The following MRGBP variants were observed in gnomAD, a reference collection of about 807,000 sequenced individuals.
MRGBP encodes the protein MRG domain binding protein.
Under a neutral mutation model 21.5 loss-of-function variants are expected in MRGBP, and 5 were observed. The observed-to-expected ratio is 0.23, with a 90% CI of 0.12 to 0.49. The LOEUF is 0.49. Among genes scored for constraint, MRGBP ranks in the 20% least tolerant of loss-of-function variants. The probability of loss-of-function intolerance (pLI) is 0.98; values close to 1 mark genes in which losing one functional copy is unlikely to be tolerated. For synonymous variants in MRGBP, 118 were observed against 104.4 expected, an observed-to-expected ratio of 1.13 and a Z score of -0.79; for missense variants, 227 against 277.4, an observed-to-expected ratio of 0.82 and a Z score of 1.29.
chr20:62,798,708 G>A (rs1167546236), intron 3 of MRGBP, 40 bp downstream of exon 3: 1 of 1,607,488 alleles, frequency 6.2e-7, no homozygotes, highest in East Asian at 2.2e-5. Flanking sequence ...TTCAGAAAAG[G>A]CCAGACCCTG....
rs1990447439 is a variant in MRGBP, at chr20:62,800,962, A to C, written c.*1319A>C. The C allele has an allele frequency of 6.6e-6, 1 of 152,100 alleles. No homozygotes were observed. The highest frequency in any genetic ancestry group is 6.5e-5 in the Admixed American group (1 of 15,272). The allele number at this position is 152,100 out of a possible 1,614,324, so 9.4% of individuals were successfully genotyped here. A position where few individuals can be genotyped will look rare whatever the true frequency, so the allele number is the denominator to read the frequency against. The stretch of plus-strand genomic sequence containing the variant: ...CTGTCCTGGCCAGCCATCGCACCCC[A>C]ATGTCTTCAGCTTGACGTTGCTTCT... On this transcript the variant is annotated 3_prime_UTR_variant, in exon 5 of 5. Coordinates refer to ENST00000370487, the MANE Select transcript of MRGBP (RefSeq NM_018270.6).
intron 1 of MRGBP, 90 bp from the exon 2 acceptor site, chr20:62,797,020 T>A: frequency 5.2e-6 from 4 of 771,244 alleles, no homozygotes; most frequent in Non-Finnish European, 6.7e-6. Context: ...GCAGCCACCC[T>A]TGCCCCTCCA....
At chr20:62,797,053 T>G in intron 1 of MRGBP, 57 bp from the exon 2 acceptor site, 1 of 1,158,380 alleles carries the variant, frequency 8.6e-7, no homozygotes, top group Non-Finnish European at 1.1e-6. Flanking sequence ...GCCCGTCCCC[T>G]CCATCCCCTT....
rs1990433307 is a variant in MRGBP at position 62,800,415 on chromosome 20, T to A, written c.*772T>A. The A allele has an allele frequency of 6.6e-6, 1 of 152,564 alleles. No homozygotes were observed. Among genetic ancestry groups the A allele is most frequent in the African/African-American group, 2.4e-5 (1 of 41,456 alleles). The allele number at this position is 152,564 out of a possible 1,614,324, so 9.5% of individuals were successfully genotyped here. ...AGATACTTTTTGCTCAGTTTTTATA[T>A]GCCAGATACAGAGAATTTGTAGCGG... On this transcript the variant is annotated 3_prime_UTR_variant, in exon 5 of 5. Coordinates refer to ENST00000370487, the MANE Select transcript of MRGBP (RefSeq NM_018270.6).
intron 4 of MRGBP, among the ~76,000 whole-genome samples, 193 bp downstream of exon 4, chr20:62,799,242 G>A (rs923824470): frequency 2.0e-5 from 3 of 152,148 alleles, no homozygotes; most frequent in Non-Finnish European, 2.9e-5. Context: ...GTAGGCCAGG[G>A]TCTGAGCGGC....
rs1990419283 is a variant in MRGBP, at chr20:62,799,829, C to T, written c.*186C>T. 2 of 619,938 alleles carry T rather than the reference C, an allele frequency of 3.2e-6. No homozygotes were observed. The highest frequency in any genetic ancestry group is 2.8e-5 in the East Asian group (1 of 35,886). The allele number at this position is 619,938 out of a possible 1,614,324, so 38.4% of individuals were successfully genotyped here. On this transcript the variant is annotated 3_prime_UTR_variant, in exon 5 of 5. Transcript: ENST00000370487. ...CGGGGAAACGTGTGTGTCAGTTGGACCATGTGGGACCCTGATGGACCTGAA... is the reference window on the plus strand; with the variant it reads ...CGGGGAAACGTGTGTGTCAGTTGGATCATGTGGGACCCTGATGGACCTGAA...
At chr20:62,798,492 G>A (rs1990383573) in intron 2 of MRGBP, 95 bp from the exon 3 acceptor site, 9 of 986,344 alleles carry the variant, frequency 9.1e-6, no homozygotes, top group Admixed American at 1.7e-5. Flanking sequence ...GTGCTCATTG[G>A]CCTCTCCCCA....
chr20:62,799,842 TG>T lies in MRGBP; in HGVS notation c.*200del. 1.7e-6 allele frequency: 1 copy of T among 583,412 alleles called. No individual in the cohort carries two copies. The highest frequency in any genetic ancestry group is 3.0e-6 in the Non-Finnish European group (1 of 336,224). 36.1% of individuals were successfully genotyped at this position (583,412 alleles called of 1,614,324 possible). A position where few individuals can be genotyped will look rare whatever the true frequency, so the allele number is the denominator to read the frequency against. On this transcript the variant is annotated 3_prime_UTR_variant, in exon 5 of 5. Coordinates refer to ENST00000370487, the MANE Select transcript of MRGBP (RefSeq NM_018270.6). ...GTGTCAGTTGGACCATGTGGGACCC[TG>T]ATGGACCTGAAAGACCAGGATCGGT...
In MRGBP at chr20:62,799,676, C is replaced by A; in HGVS notation, c.*33C>A. 6.3e-7 allele frequency: 1 copy of A among 1,588,332 alleles called. No individual in the cohort carries two copies. Among genetic ancestry groups the A allele is most frequent in the East Asian group, 2.2e-5 (1 of 44,552 alleles). ...GCCCTGGTGGCGGCAGAGAAGCGGGCGAGGCACTGTGGTCGCTGAGGGGGT... is the reference window on the plus strand; with the variant it reads ...GCCCTGGTGGCGGCAGAGAAGCGGGAGAGGCACTGTGGTCGCTGAGGGGGT... On this transcript the variant is annotated 3_prime_UTR_variant, in exon 5 of 5. Transcript: ENST00000370487.
rs1360375123 is a variant in MRGBP at position 62,801,532 on chromosome 20, A to C, written c.*1889A>C. The C allele has an allele frequency of 2.0e-5, 3 of 152,246 alleles. No homozygotes were observed. Among genetic ancestry groups the C allele is most frequent in the Non-Finnish European group, 4.4e-5 (3 of 68,092 alleles). 9.4% of individuals were successfully genotyped at this position (152,246 alleles called of 1,614,324 possible). On this transcript the variant is annotated 3_prime_UTR_variant, in exon 5 of 5. Coordinates refer to ENST00000370487, the MANE Select transcript of MRGBP (RefSeq NM_018270.6). ...TCCTGTCCTGGAGTCTCAGTCCGGG[A>C]CAGCAGCCTGGCTCTTAGGCAGTCC...
rs888964265 is a variant in MRGBP, at chr20:62,800,001, G to C, written c.*358G>C. On this transcript the variant is annotated 3_prime_UTR_variant, in exon 5 of 5. Coordinates refer to ENST00000370487, the MANE Select transcript of MRGBP (RefSeq NM_018270.6). ...CATTTGGGATCCAGGCTACCTAGAG[G>C]GGCATCGGGCCAGGGAAAACCTCGG... 1.4e-5 allele frequency: 3 copies of C among 218,956 alleles called. No individual in the cohort carries two copies. The highest frequency in any genetic ancestry group is 1.8e-5 in the Non-Finnish European group (2 of 111,126). The allele number at this position is 218,956 out of a possible 1,614,324, so 13.6% of individuals were successfully genotyped here.
intron 3 of MRGBP, 108 bp from the exon 4 acceptor site, chr20:62,798,867 C>T: frequency 1.3e-6 from 2 of 1,582,034 alleles, no homozygotes; most frequent in Non-Finnish European, 1.7e-6. Flanking sequence ...TGGACGGAAG[C>T]TGAGGCCTGT....
In MRGBP at chr20:62,801,506, G is replaced by A. The variant is rs1204314970; in HGVS notation, c.*1863G>A. ...AGCCTCATTCAGGGCTTTGTGCCAG[G>A]TCCTGTCCTGGAGTCTCAGTCCGGG... On this transcript the variant is annotated 3_prime_UTR_variant, in exon 5 of 5. Coordinates refer to ENST00000370487, the MANE Select transcript of MRGBP (RefSeq NM_018270.6). 6.6e-6 allele frequency: 1 copy of A among 152,260 alleles called. No homozygotes were observed. Among genetic ancestry groups the A allele is most frequent in the African/African-American group, 2.4e-5 (1 of 41,446 alleles). 9.4% of individuals were successfully genotyped at this position (152,260 alleles called of 1,614,324 possible). A position where few individuals can be genotyped will look rare whatever the true frequency, so the allele number is the denominator to read the frequency against.
chr20:62,798,457 G>A (rs529622141), intron 2 of MRGBP, 130 bp from the exon 3 acceptor site: 31 of 724,888 alleles, frequency 4.3e-5, no homozygotes, highest in Middle Eastern at 4.9e-4. Context: ...TGCCCCGCCC[G>A]CCGCAGCCTC....
In MRGBP at chr20:62,797,209, C is replaced by T; in HGVS notation, c.248C>T (p.Thr83Ile). ...PSKVIWDHLS[T>I]MYDMQALHES... is the part of the protein sequence containing the mutation. ...AAGGTCATCTGGGACCATCTGAGCA[C>T]CATGTACGACATGCAGGCGCTGGTG... The change falls in exon 2 of 5, where the codon ACC becomes ATC. Residue 83 changes from threonine (T) to isoleucine (I), a missense_variant. Physicochemically the swap from Thr to Ile is moderately conservative, Grantham distance 89. This residue lies in a region of MRGBP where 162 missense variants were observed against 227.7 expected (regional missense o/e 0.71). Transcript: ENST00000370487. 6.3e-7 allele frequency: 1 copy of T among 1,596,136 alleles called. No homozygotes were observed. The highest frequency in any genetic ancestry group is 8.5e-7 in the Non-Finnish European group (1 of 1,172,902).
Position 62,796,596 on chromosome 20 carries a change from G to A in MRGBP, c.73G>A (p.Ala25Thr). The A allele has an allele frequency of 1.6e-6, 2 of 1,288,128 alleles. No homozygotes were observed. The highest frequency in any genetic ancestry group is 2.0e-6 in the Non-Finnish European group (2 of 1,013,886). 79.8% of individuals were successfully genotyped at this position (1,288,128 alleles called of 1,614,324 possible). The change falls in exon 1 of 5, where the codon GCG becomes ACG. Residue 25 changes from alanine to threonine, a missense_variant. Ala to Thr is a moderately conservative substitution (Grantham distance 58). Coordinates refer to ENST00000370487, the MANE Select transcript of MRGBP (RefSeq NM_018270.6). Reference sequence around the variant, plus strand: ...CCCGGGGGAGGCGGCCACCAGCCCGGCGGAGGAGACAGTGGTGTGGAGCCC... The same window carrying A: ...CCCGGGGGAGGCGGCCACCAGCCCGACGGAGGAGACAGTGGTGTGGAGCCC... Reference protein sequence around the residue: ...KGPGEAATSPAEETVVWSPEV... With the variant: ...KGPGEAATSPTEETVVWSPEV...
chr20:62,797,258 G>A (rs750623458), intron 2 of MRGBP, 27 bp downstream of exon 2: 33 of 1,527,912 alleles, frequency 2.2e-5, no homozygotes, highest in East Asian at 2.0e-4. Flanking sequence ...TCCCTGTGCC[G>A]CCCGATGGGG....
chr20:62,798,466 T>C, intron 2 of MRGBP, 121 bp from the exon 3 acceptor site: 1 of 801,766 alleles, frequency 1.2e-6, no homozygotes, highest in Non-Finnish European at 2.1e-6. Context: ...CGCCGCAGCC[T>C]CCAACACAGT....
rs562266170 is a variant in MRGBP, at chr20:62,798,363, G to A, written c.271-224G>A. Among the ~76,000 whole-genome samples, 9 of 152,278 alleles carry A rather than the reference G, an allele frequency of 5.9e-5. No individual in the cohort carries two copies. The East Asian group carries it at 9.7e-4, about 16-fold the overall frequency. ...CTTCCTGACTCCTGCATCTGCTGCCGCTGGTTCTGCCCTCCCTGGGTCTGT... is the reference window on the plus strand; with the variant it reads ...CTTCCTGACTCCTGCATCTGCTGCCACTGGTTCTGCCCTCCCTGGGTCTGT... On this transcript the variant is annotated intron_variant, in intron 2 of 4. Coordinates refer to ENST00000370487, the MANE Select transcript of MRGBP (RefSeq NM_018270.6).
Sources: gnomAD v4.1 joint callset for allele counts (sites outside exome capture counted in the v4.1 genomes callset) on GRCh38, gnomAD v4.1.1 for gene constraint, gnomAD v4.1.1 regional missense constraint, MANE v1.5 for transcripts, NCBI Gene and HGNC (gene_info 2026-07-23, HGNC 2026-07-21) for gene names.